DOCK3: variants seen among roughly 807,000 people sequenced by gnomAD.
DOCK3 encodes the protein dedicator of cytokinesis 3.
Under a neutral mutation model 265.6 loss-of-function variants are expected in DOCK3, and 60 were observed. The ratio of observed to expected loss-of-function variants is 0.23; its 90% CI spans 0.18 to 0.28. The LOEUF is 0.28. Ranked by LOEUF, DOCK3 falls within the 10% of genes least tolerant of loss-of-function variation. The pLI is 1.00. For synonymous variants in DOCK3, 881 were observed against 938.0 expected (o/e 0.94, Z 1.11); for missense variants, 1,981 against 2,594.3 (o/e 0.76, Z 5.14).
intron 12 of DOCK3, among the ~76,000 whole-genome samples, chr3:51,200,947 T>A (rs1300012135): frequency 2.2e-4 from 33 of 151,896 alleles, no homozygotes; most frequent in Admixed American, 2.2e-3. Flanking sequence ...GAAGGAGAAA[T>A]AAAATCCTTT....
intron 2 of DOCK3, among the ~76,000 whole-genome samples, chr3:50,811,737 C>G (rs1343260325): frequency 6.6e-6 from 1 of 152,010 alleles, no homozygotes; most frequent in Non-Finnish European, 1.5e-5. Context: ...TAGTGGCTCA[C>G]TTATCTGCAT....
chr3:51,233,363 T>TA (rs1376451249), intron 19 of DOCK3, among the ~76,000 whole-genome samples: 71 of 149,442 alleles, frequency 4.8e-4, no homozygotes, highest in African/African-American at 1.6e-3. Flanking sequence ...TCTATCTATT[T>TA]ATTTATTTAT....
intron 4 of DOCK3, among the ~76,000 whole-genome samples, chr3:50,913,279 G>A (rs2049955459): frequency 6.6e-6 from 1 of 152,040 alleles, no homozygotes; most frequent in Admixed American, 6.6e-5. Flanking sequence ...CTGGAAAGGG[G>A]ACCTTGTGAT....
chr3:50,680,512 CTTTT>C (rs3066820), intron 1 of DOCK3, among the ~76,000 whole-genome samples: 19 of 72,918 alleles, frequency 2.6e-4, no homozygotes, highest in South Asian at 5.6e-4. Flanking sequence ...CCGTGCCCTG[CTTTT>C]TTTTTTTTTT....
At chr3:51,000,216 T>C (rs1938875763) in intron 5 of DOCK3, among the ~76,000 whole-genome samples, 1 of 152,242 alleles carries the variant, frequency 6.6e-6, no homozygotes, top group Non-Finnish European at 1.5e-5. Context: ...CAGGCGACTG[T>C]GGTTTTTAAG....
At chr3:50,711,205 A>G (rs1244921718) in intron 1 of DOCK3, among the ~76,000 whole-genome samples, 3 of 150,878 alleles carry the variant, frequency 2.0e-5, no homozygotes, top group Non-Finnish European at 4.4e-5. Context: ...TGATTTTCAT[A>G]TGTTGAACTG....
chr3:51,263,484 C>T (rs2079976779), intron 23 of DOCK3, among the ~76,000 whole-genome samples: 1 of 152,212 alleles, frequency 6.6e-6, no homozygotes, highest in Non-Finnish European at 1.5e-5. Flanking sequence ...TTATAAGGAT[C>T]ATCGACACTA....
At chr3:50,684,037 C>G (rs2034609731) in intron 1 of DOCK3, among the ~76,000 whole-genome samples, 1 of 152,062 alleles carries the variant, frequency 6.6e-6, no homozygotes, top group Middle Eastern at 3.2e-3. Context: ...AATGTTCTTA[C>G]CTTTATTGCT....
At chr3:51,366,155 C>T (rs972083387) in intron 49 of DOCK3, among the ~76,000 whole-genome samples, 1 of 152,302 alleles carries the variant, frequency 6.6e-6, no homozygotes, top group East Asian at 1.9e-4. Context: ...ATTATTGCCT[C>T]AATTTCAGAA....
Position 50,974,537 on chromosome 3 carries a change from C to A in DOCK3, c.315+40460C>A, listed in dbSNP as rs1165117820. On this transcript the variant is annotated intron_variant, in intron 5 of 52. Coordinates refer to ENST00000266037, the MANE Select transcript of DOCK3 (RefSeq NM_004947.5). Reference sequence around the variant, plus strand: ...TACCAGTAGCATGCTGTTTTGGTTACTGTAGCCTTGTAGTATAGTTTGAAG... The same window carrying A: ...TACCAGTAGCATGCTGTTTTGGTTAATGTAGCCTTGTAGTATAGTTTGAAG... 2.6e-5 allele frequency among the ~76,000 whole-genome samples: 4 copies of A among 151,898 alleles called. No individual in the cohort carries two copies. The East Asian group carries it at 5.8e-4, about 22-fold the overall frequency.
intron 3 of DOCK3, among the ~76,000 whole-genome samples, chr3:50,881,048 G>T (rs893012362): frequency 6.6e-6 from 1 of 152,166 alleles, no homozygotes; most frequent in Non-Finnish European, 1.5e-5. Context: ...CTCAATAGAT[G>T]CAGAAAAGGC....
intron 2 of DOCK3, among the ~76,000 whole-genome samples, chr3:50,797,042 G>C (rs2042829030): frequency 6.6e-6 from 1 of 152,188 alleles, no homozygotes; most frequent in African/African-American, 2.4e-5. Flanking sequence ...TTTGTAGTGT[G>C]GTGGCAGCAG....
chr3:50,689,547 C>G (rs553460928), intron 1 of DOCK3, among the ~76,000 whole-genome samples: 1 of 152,276 alleles, frequency 6.6e-6, no homozygotes, highest in South Asian at 2.1e-4. Flanking sequence ...TCAATTACCT[C>G]CCACCAGGTC....
chr3:51,202,456 A>G (rs2088852004), intron 12 of DOCK3, among the ~76,000 whole-genome samples: 1 of 152,074 alleles, frequency 6.6e-6, no homozygotes, highest in African/African-American at 2.4e-5. Flanking sequence ...CACCCTCCCA[A>G]GACTAAACCA....
chr3:50,822,697 T>C (rs568790082), intron 2 of DOCK3, among the ~76,000 whole-genome samples: 1 of 152,286 alleles, frequency 6.6e-6, no homozygotes, highest in East Asian at 1.9e-4. Flanking sequence ...CTTGCTGTGT[T>C]GCCCAGGCTG....
chr3:50,764,567 G>C (rs2040743457), intron 1 of DOCK3, among the ~76,000 whole-genome samples: 1 of 152,078 alleles, frequency 6.6e-6, no homozygotes, highest in Non-Finnish European at 1.5e-5. Context: ...ATGACTGTGT[G>C]GAATTATGCT....
chr3:50,944,914 C>T (rs745391593), intron 5 of DOCK3, among the ~76,000 whole-genome samples: 6 of 152,220 alleles, frequency 3.9e-5, no homozygotes, highest in South Asian at 2.1e-4. Flanking sequence ...GAGCTGAGAT[C>T]GCGTCATCAC....
intron 7 of DOCK3, among the ~76,000 whole-genome samples, chr3:51,076,551 G>A (rs1291864808): frequency 1.3e-5 from 2 of 152,098 alleles, no homozygotes; most frequent in Non-Finnish European, 1.5e-5. Flanking sequence ...TTTCTCCCAG[G>A]ACAATGCAAG....
intron 2 of DOCK3, chr3:50,788,235 C>T: frequency 1.4e-6 from 1 of 724,606 alleles, no homozygotes. Context: ...CTGCTACAGG[C>T]ACAGCACAGT....
Sources: gnomAD v4.1 joint callset for allele counts (sites outside exome capture counted in the v4.1 genomes callset) on GRCh38, gnomAD v4.1.1 for gene constraint, MANE v1.5 for transcripts, NCBI Gene and HGNC (gene_info 2026-07-23, HGNC 2026-07-21) for gene names.